LAMA1: variants seen among roughly 807,000 people sequenced by gnomAD.
The protein encoded by LAMA1 is laminin subunit alpha-1.
A neutral mutation model predicts 348.7 loss-of-function variants in LAMA1; 219 were observed. The ratio of observed to expected loss-of-function variants is 0.63; its 90% CI spans 0.56 to 0.70. LAMA1 has a LOEUF of 0.70. LAMA1 is among the 30% of genes least tolerant of loss of function. The pLI is 0.00. For synonymous variants in LAMA1, 1,487 were observed against 1,491.0 expected, an observed-to-expected ratio of 1.00 and a Z score of 0.06; for missense variants, 3,744 against 3,888.0, an observed-to-expected ratio of 0.96 and a Z score of 0.99.
intron 1 of LAMA1, among the ~76,000 whole-genome samples, chr18:7,108,133 C>A (rs1409951257): frequency 2.6e-5 from 4 of 151,090 alleles, no homozygotes; most frequent in Non-Finnish European, 5.9e-5. Context: ...GTCAGGAGTT[C>A]GAGACAACCC....
At chr18:7,004,228 T>C (rs1186646152) in intron 29 of LAMA1, among the ~76,000 whole-genome samples, 5 of 152,180 alleles carry the variant, frequency 3.3e-5, no homozygotes, top group African/African-American at 9.7e-5. Flanking sequence ...ATTTCACTGA[T>C]GTAAAAAGGT....
At chr18:6,955,967 C>G (rs537437251) in intron 56 of LAMA1, 1 of 314,144 alleles carries the variant, frequency 3.2e-6, no homozygotes, top group African/African-American at 2.2e-5. Flanking sequence ...CGGGAAGGGC[C>G]CCTGAACCCC....
intron 1 of LAMA1, among the ~76,000 whole-genome samples, chr18:7,081,255 A>G (rs891424102): frequency 1.3e-5 from 2 of 152,208 alleles, no homozygotes; most frequent in Non-Finnish European, 2.9e-5. Flanking sequence ...AAATGTTGTG[A>G]AACAGGCCTT....
chr18:7,068,672 A>T (rs1225008069), intron 3 of LAMA1, among the ~76,000 whole-genome samples: 1 of 152,212 alleles, frequency 6.6e-6, no homozygotes, highest in Non-Finnish European at 1.5e-5. Flanking sequence ...CATTAAAAAC[A>T]CAAGAGATAT....
At chr18:7,100,717 G>C (rs962067579) in intron 1 of LAMA1, among the ~76,000 whole-genome samples, 12 of 152,092 alleles carry the variant, frequency 7.9e-5, no homozygotes, top group Non-Finnish European at 1.5e-5. Context: ...AGACACAAAA[G>C]ACTCCATTTT....
chr18:6,982,333 T>C (rs996750804), intron 41 of LAMA1, among the ~76,000 whole-genome samples, 164 bp downstream of exon 41: 4 of 152,112 alleles, frequency 2.6e-5, no homozygotes, highest in Non-Finnish European at 4.4e-5. Context: ...TGATAGGAAG[T>C]TTATACGATA....
chr18:7,036,428 C>T lies in LAMA1; in HGVS notation c.1738-340G>A, dbSNP rs115801724. On this transcript the variant is annotated intron_variant, in intron 12 of 62. Transcript: ENST00000389658. ...GTAATTTAGGGGATGAGGAGTTTGA[C>T]CCATGTCTACAATCTCCACATTTTC... Among the ~76,000 whole-genome samples the T allele has an allele frequency of 7.1e-3, 1,078 of 152,340 alleles. 18 individuals carry two copies. Among genetic ancestry groups the T allele is most frequent in the African/African-American group, 0.025 (1,024 of 41,576 alleles).
At chr18:6,983,019 G>A in intron 40 of LAMA1, 80 bp downstream of exon 40, 1 of 1,548,848 alleles carries the variant, frequency 6.5e-7, no homozygotes, top group Non-Finnish European at 8.9e-7. Flanking sequence ...GCAGAAATTG[G>A]GGCCACTGAA....
intron 35 of LAMA1, 40 bp downstream of exon 35, chr18:6,993,601 A>G: frequency 7.4e-7 from 1 of 1,354,272 alleles, no homozygotes; most frequent in Middle Eastern, 1.8e-4. Context: ...TTCTTACTAG[A>G]TAAGCACAGA....
At chr18:6,957,078 T>C in intron 55 of LAMA1, 1 of 376,852 alleles carries the variant, frequency 2.7e-6, no homozygotes, top group Non-Finnish European at 5.1e-6. Context: ...CTGGGCTGCC[T>C]CAGGGACACG....
At chr18:6,968,524 G>A (rs2144022809) in intron 48 of LAMA1, among the ~76,000 whole-genome samples, 1 of 152,316 alleles carries the variant, frequency 6.6e-6, no homozygotes, top group Admixed American at 6.5e-5. Flanking sequence ...CCGGTACCTA[G>A]CAGAGGGCCC....
chr18:7,093,806 T>C (rs2058249568), intron 1 of LAMA1, among the ~76,000 whole-genome samples: 1 of 146,022 alleles, frequency 6.8e-6, no homozygotes. Flanking sequence ...AGACAATCTC[T>C]CTCTGTTGCC....
intron 1 of LAMA1, among the ~76,000 whole-genome samples, chr18:7,084,871 T>C (rs901371513): frequency 6.6e-6 from 1 of 152,230 alleles, no homozygotes; most frequent in African/African-American, 2.4e-5. Flanking sequence ...CAGCAGAATA[T>C]ATCTTCCCTG....
intron 1 of LAMA1, among the ~76,000 whole-genome samples, chr18:7,099,215 A>G (rs1321778678): frequency 1.3e-5 from 2 of 151,062 alleles, no homozygotes; most frequent in Non-Finnish European, 3.0e-5. Context: ...ACTCAGGGTT[A>G]AATGGATTAA....
At chr18:6,952,501 T>C (rs1212466610) in intron 57 of LAMA1, among the ~76,000 whole-genome samples, 1 of 152,128 alleles carries the variant, frequency 6.6e-6, no homozygotes, top group Non-Finnish European at 1.5e-5. Flanking sequence ...GAAGTCAAAG[T>C]GAGAGAGGGA....
chr18:6,951,083 G>A (rs2057544775), intron 57 of LAMA1, 112 bp from the exon 58 acceptor site: 1 of 909,628 alleles, frequency 1.1e-6, no homozygotes, highest in Non-Finnish European at 1.7e-6. Context: ...CATCTCAGGA[G>A]AGAGGGGTAT....
intron 61 of LAMA1, 74 bp from the exon 62 acceptor site, chr18:6,943,476 A>G: frequency 3.4e-6 from 4 of 1,189,816 alleles, no homozygotes; most frequent in Non-Finnish European, 5.0e-6. Context: ...CTTGGAGTAG[A>G]TAAAATTGCA....
At chr18:6,989,552 T>C (rs959905002) in intron 36 of LAMA1, among the ~76,000 whole-genome samples, 1 of 152,248 alleles carries the variant, frequency 6.6e-6, no homozygotes, top group Non-Finnish European at 1.5e-5. Flanking sequence ...GGATTATCTA[T>C]GGAAAATCAG....
intron 1 of LAMA1, among the ~76,000 whole-genome samples, chr18:7,099,610 C>A (rs2058283111): frequency 1.3e-5 from 2 of 151,872 alleles, no homozygotes; most frequent in African/African-American, 4.8e-5. Context: ...AACCTAAGAT[C>A]TTGGATTAGG....
Sources: allele counts gnomAD v4.1 joint callset (sites outside exome capture counted in the v4.1 genomes callset), GRCh38; gene constraint gnomAD v4.1.1; transcripts MANE v1.5; gene names NCBI Gene and HGNC (gene_info 2026-07-23, HGNC 2026-07-21).